Variants in TMEM51 observed in about 807,000 individuals in gnomAD.
TMEM51 encodes transmembrane protein 51.
TMEM51 carries 8 observed loss-of-function variants against 13.6 expected under a neutral mutation model. That is an observed-to-expected ratio of 0.59 (90% confidence interval 0.35 to 1.07). The LOEUF (loss-of-function observed/expected upper bound fraction) is 1.07. TMEM51 is among the 50% of genes least tolerant of loss of function. The probability of loss-of-function intolerance (pLI) is 0.02; values close to 1 mark genes in which losing one functional copy is unlikely to be tolerated. For synonymous variants in TMEM51, 147 were observed against 144.4 expected, an observed-to-expected ratio of 1.02 and a Z score of -0.13; for missense variants, 279 against 330.7, an observed-to-expected ratio of 0.84 and a Z score of 1.21.
chr1:15,217,068 C>G (rs1208290863), intron 3 of TMEM51, among the ~76,000 whole-genome samples: 1 of 152,066 alleles, frequency 6.6e-6, no homozygotes, highest in Admixed American at 6.5e-5. Flanking sequence ...TAAAGGGAAC[C>G]CTTGGTACAC....
chr1:15,192,431 TTTC>T, intron 1 of TMEM51: 1 of 226,188 alleles, frequency 4.4e-6, no homozygotes, highest in South Asian at 4.4e-5. Context: ...TGCTACTTTT[TTTC>T]TTTCTTTCTT....
At chr1:15,173,690 C>T (rs1198928761) in intron 1 of TMEM51, among the ~76,000 whole-genome samples, 1 of 143,486 alleles carries the variant, frequency 7.0e-6, no homozygotes, top group African/African-American at 2.5e-5. Flanking sequence ...AAAAAAAAAA[C>T]ACAAACAAAA....
intron 1 of TMEM51, among the ~76,000 whole-genome samples, chr1:15,162,092 C>T (rs1233286689): frequency 6.6e-6 from 1 of 152,022 alleles, no homozygotes; most frequent in East Asian, 1.9e-4. Flanking sequence ...TCTTTGGGCA[C>T]CAAGCCATTC....
At chr1:15,191,492 A>G (rs778240410) in intron 1 of TMEM51, among the ~76,000 whole-genome samples, 71 of 152,192 alleles carry the variant, frequency 4.7e-4, no homozygotes, top group Non-Finnish European at 9.1e-4. Context: ...TCACTGGTCC[A>G]AGTCGCCTCA....
At chr1:15,204,619 C>T (rs1311732257) in intron 1 of TMEM51, among the ~76,000 whole-genome samples, 1 of 152,216 alleles carries the variant, frequency 6.6e-6, no homozygotes, top group Non-Finnish European at 1.5e-5. Context: ...TGAGGACGGC[C>T]TAAACAAGGG....
chr1:15,216,627 T>C (rs1373942716), intron 3 of TMEM51, among the ~76,000 whole-genome samples: 1 of 152,108 alleles, frequency 6.6e-6, no homozygotes, highest in Non-Finnish European at 1.5e-5. Flanking sequence ...AGTTTATCCC[T>C]GGGAGACAGT....
chr1:15,169,685 A>G (rs1349621373), intron 1 of TMEM51, among the ~76,000 whole-genome samples: 2 of 152,216 alleles, frequency 1.3e-5, no homozygotes, highest in East Asian at 3.8e-4. Context: ...TATGGTTTCT[A>G]CAAGGTTATA....
chr1:15,202,244 G>A (rs751599403), intron 1 of TMEM51, among the ~76,000 whole-genome samples: 6 of 152,132 alleles, frequency 3.9e-5, no homozygotes, highest in Non-Finnish European at 8.8e-5. Flanking sequence ...TTCACCAAGC[G>A]ATTGGTTTTA....
intron 1 of TMEM51, among the ~76,000 whole-genome samples, chr1:15,197,167 T>C (rs953263472): frequency 1.3e-5 from 2 of 152,240 alleles, no homozygotes; most frequent in African/African-American, 4.8e-5. Flanking sequence ...TGAAACTCAT[T>C]GGCCCAGTGT....
chr1:15,207,271 G>A lies in TMEM51; in HGVS notation c.-266-3219G>A, dbSNP rs1169029439. Among the ~76,000 whole-genome samples the A allele has an allele frequency of 6.6e-6, 1 of 152,198 alleles. No individual in the cohort carries two copies. The highest frequency in any genetic ancestry group is 1.5e-5 in the Non-Finnish European group (1 of 68,036). On this transcript the variant is annotated intron_variant, in intron 1 of 3. Coordinates refer to ENST00000376008, the MANE Select transcript of TMEM51 (RefSeq NM_001136218.2). This position sits in a 1 kb window ranked among gnomAD's most constrained non-coding sequence, Gnocchi z 4.6. ...CCCACTAAAGCCAGCTGGGCTGGGC[G>A]CTTCTGCAACTGCACCTTCCGGGGC...
At chr1:15,193,446 C>T (rs1394267469) in intron 1 of TMEM51, among the ~76,000 whole-genome samples, 3 of 152,254 alleles carry the variant, frequency 2.0e-5, no homozygotes, top group East Asian at 1.9e-4. Flanking sequence ...TGGCACTGTT[C>T]TCTGGCCTCC....
intron 1 of TMEM51, chr1:15,192,470 T>TTTTTTTTTTTTTTTTTTA (rs3078880): frequency 1.1e-4 from 27 of 250,790 alleles, no homozygotes; most frequent in South Asian, 1.5e-4. Context: ...CCTTTTTTTT[T>TTTTTTTTTTTTTTTTTTA]ATGACAGAAT....
intron 1 of TMEM51, among the ~76,000 whole-genome samples, chr1:15,202,599 C>T (rs1175050910): frequency 6.6e-6 from 1 of 152,124 alleles, no homozygotes; most frequent in Non-Finnish European, 1.5e-5. Flanking sequence ...TCCTCACATC[C>T]TCCTGCTTCC....
chr1:15,156,827 C>T (rs936225327), intron 1 of TMEM51, among the ~76,000 whole-genome samples: 27 of 152,180 alleles, frequency 1.8e-4, no homozygotes, highest in African/African-American at 5.6e-4. Flanking sequence ...TCCTGACTCC[C>T]TTCTAGGGCC....
At chr1:15,183,937 G>A (rs1385564789) in intron 1 of TMEM51, among the ~76,000 whole-genome samples, 1 of 152,234 alleles carries the variant, frequency 6.6e-6, no homozygotes, top group Non-Finnish European at 1.5e-5. Context: ...AAACATGAAG[G>A]TGCACGTGCC....
At chr1:15,176,287 G>A (rs1357626669) in intron 1 of TMEM51, among the ~76,000 whole-genome samples, 2 of 152,132 alleles carry the variant, frequency 1.3e-5, no homozygotes, top group East Asian at 1.9e-4. Flanking sequence ...CCCCAGAGGC[G>A]GCAGTGAGAA....
intron 1 of TMEM51, among the ~76,000 whole-genome samples, chr1:15,189,213 C>CTTTTT (rs59346950): frequency 0.017 from 1,599 of 92,812 alleles, 131 homozygotes; most frequent in African/African-American, 0.064. Context: ...CTAATTTTTC[C>CTTTTT]TTTTTTTTTT....
intron 3 of TMEM51, 27 bp downstream of exon 3, chr1:15,215,458 C>A: frequency 6.4e-7 from 1 of 1,560,926 alleles, no homozygotes; most frequent in South Asian, 1.2e-5. Context: ...CCCTTCCCTC[C>A]CCGGATCGGG....
chr1:15,167,163 T>TA (rs957745509), intron 1 of TMEM51, among the ~76,000 whole-genome samples: 26 of 151,252 alleles, frequency 1.7e-4, no homozygotes, highest in Non-Finnish European at 3.4e-4. Context: ...CCGTCTCTCC[T>TA]AAAAAAACAA....
Sources: allele counts gnomAD v4.1 joint callset (sites outside exome capture counted in the v4.1 genomes callset), GRCh38; gene constraint gnomAD v4.1.1; non-coding constraint Gnocchi (gnomAD v3.1); transcripts MANE v1.5; gene names NCBI Gene and HGNC (gene_info 2026-07-23, HGNC 2026-07-21).